ZNF804A: variants seen among roughly 807,000 people sequenced by gnomAD.
ZNF804A encodes the protein zinc finger protein 804A.
ZNF804A carries 2 observed loss-of-function variants against 16.5 expected under a neutral mutation model. That is an observed-to-expected ratio of 0.12 (90% confidence interval 0.05 to 0.38). The LOEUF is 0.38. ZNF804A is among the 10% of genes least tolerant of loss of function. The probability of loss-of-function intolerance (pLI) is 0.99; values close to 1 mark genes in which losing one functional copy is unlikely to be tolerated. For missense variants in ZNF804A, 1,473 were observed against 1,390.7 expected (o/e 1.06, Z -0.94); for synonymous variants, 534 against 489.6 (o/e 1.09, Z -1.20).
chr2:184,682,606 G>A (rs1249867132), intron 1 of ZNF804A, among the ~76,000 whole-genome samples: 1 of 152,104 alleles, frequency 6.6e-6, no homozygotes, highest in Non-Finnish European at 1.5e-5. Context: ...GGCAATTGTA[G>A]TACAGTGATT....
At chr2:184,758,153 A>G (rs145986473) in intron 1 of ZNF804A, among the ~76,000 whole-genome samples, 7 of 152,128 alleles carry the variant, frequency 4.6e-5, no homozygotes, top group African/African-American at 1.7e-4. Flanking sequence ...ATATTGCCAC[A>G]TATTTCTGTG....
At chr2:184,850,966 C>T (rs1271010990) in intron 1 of ZNF804A, among the ~76,000 whole-genome samples, 2 of 151,626 alleles carry the variant, frequency 1.3e-5, no homozygotes, top group Admixed American at 6.6e-5. Context: ...TACCACACTC[C>T]CAACCATGAG....
At chr2:184,828,015 T>TAAAAATTACATAAAAC (rs374830332) in intron 1 of ZNF804A, among the ~76,000 whole-genome samples, 5,590 of 151,872 alleles carry the variant, frequency 0.037, 338 homozygotes, top group African/African-American at 0.13. Flanking sequence ...AAGAATAATA[T>TAAAAATTACATAAAAC]AAAAATTACA....
At chr2:184,892,626 G>A (rs1685005601) in intron 2 of ZNF804A, among the ~76,000 whole-genome samples, 1 of 151,550 alleles carries the variant, frequency 6.6e-6, no homozygotes, top group African/African-American at 2.4e-5. Context: ...TGGGATTACA[G>A]GCACGCGCCA....
At chr2:184,781,352 A>G (rs1694368924) in intron 1 of ZNF804A, among the ~76,000 whole-genome samples, 1 of 151,756 alleles carries the variant, frequency 6.6e-6, no homozygotes, top group Admixed American at 6.6e-5. Context: ...AATAAGCTAT[A>G]CTTTTCCCCA....
Position 184,937,689 on chromosome 2 carries a change from T to G in ZNF804A, c.2293T>G (p.Ser765Ala). 6.2e-7 allele frequency: 1 copy of G among 1,614,050 alleles called. No individual in the cohort carries two copies. Among genetic ancestry groups the G allele is most frequent in the South Asian group, 1.1e-5 (1 of 91,078 alleles). Reference protein sequence around the residue: ...KRGYNSVMNESERFYRKRRQH... With the variant: ...KRGYNSVMNEAERFYRKRRQH... Reference sequence around the variant, plus strand: ...AGGTTACAATTCTGTCATGAATGAATCAGAAAGATTCTATCGAAAACGTAG... The same window carrying G: ...AGGTTACAATTCTGTCATGAATGAAGCAGAAAGATTCTATCGAAAACGTAG... The change falls in exon 4 of 4, where the codon TCA (serine) becomes GCA (alanine). Residue 765 changes from serine (S) to alanine (A), a missense_variant. By Grantham distance (99) the Ser-to-Ala change is moderately conservative (BLOSUM62 1). Coordinates refer to ENST00000302277, the MANE Select transcript of ZNF804A (RefSeq NM_194250.2).
At chr2:184,737,170 CCTCAGCCTCCTGAGTAG>C (rs1464154664) in intron 1 of ZNF804A, among the ~76,000 whole-genome samples, 1 of 151,768 alleles carries the variant, frequency 6.6e-6, no homozygotes, top group Non-Finnish European at 1.5e-5. Flanking sequence ...CATTCTTCTG[CCTCAGCCTCCTGAGTAG>C]CTGGGACCAC....
chr2:184,883,225 G>A (rs1173233147), intron 2 of ZNF804A, among the ~76,000 whole-genome samples: 1 of 151,968 alleles, frequency 6.6e-6, no homozygotes, highest in Non-Finnish European at 1.5e-5. Flanking sequence ...ATTGAACCAG[G>A]ACAAAATTGA....
At chr2:184,710,866 C>T (rs151025264) in intron 1 of ZNF804A, among the ~76,000 whole-genome samples, 47 of 151,894 alleles carry the variant, frequency 3.1e-4, no homozygotes, top group Non-Finnish European at 5.3e-4. Context: ...AATAGTATTT[C>T]ATTCTATGTC....
chr2:184,618,332 G>A (rs543913043), intron 1 of ZNF804A, among the ~76,000 whole-genome samples: 3 of 152,164 alleles, frequency 2.0e-5, no homozygotes, highest in African/African-American at 7.2e-5. Context: ...TTTCAGCAAA[G>A]ACATTTTCAG....
chr2:184,606,832 T>TACAC (rs10645645), intron 1 of ZNF804A, among the ~76,000 whole-genome samples: 4,111 of 149,402 alleles, frequency 0.028, 91 homozygotes, highest in African/African-American at 0.075. Flanking sequence ...TAGGTGTGTC[T>TACAC]ACACACACAC....
At chr2:184,824,625 C>A (rs1248344263) in intron 1 of ZNF804A, among the ~76,000 whole-genome samples, 2 of 152,110 alleles carry the variant, frequency 1.3e-5, no homozygotes, top group African/African-American at 4.8e-5. Context: ...AACAAACTAT[C>A]TCATATTTGG....
chr2:184,852,934 T>C (rs1455513896), intron 1 of ZNF804A, among the ~76,000 whole-genome samples: 8 of 151,816 alleles, frequency 5.3e-5, no homozygotes, highest in African/African-American at 9.7e-5. Context: ...GGACTCTTTT[T>C]TGGTTTCATA....
At chr2:184,609,631 A>G (rs941652091) in intron 1 of ZNF804A, among the ~76,000 whole-genome samples, 4 of 152,322 alleles carry the variant, frequency 2.6e-5, no homozygotes, top group Non-Finnish European at 5.9e-5. Flanking sequence ...CCTGGTTTGC[A>G]TGTGGTCTTC....
rs1170192002 is a variant in ZNF804A, at chr2:184,938,766, G to A, written c.3370G>A (p.Val1124Met). 6.8e-6 allele frequency: 11 copies of A among 1,613,360 alleles called. No homozygotes were observed. Among genetic ancestry groups the A allele is most frequent in the Non-Finnish European group, 9.3e-6 (11 of 1,179,832 alleles). Residue 1124 changes from valine (V) to methionine (M), a missense_variant, in exon 4 of 4, where the codon GTG (valine) becomes ATG (methionine). Coordinates refer to ENST00000302277, the MANE Select transcript of ZNF804A (RefSeq NM_194250.2). ...AGCCGCAGCTGCAGGAACCTTTAAAGTGCTTCAGCCACACCAACAGTTTCT... is the reference window on the plus strand; with the variant it reads ...AGCCGCAGCTGCAGGAACCTTTAAAATGCTTCAGCCACACCAACAGTTTCT... ...AAAAAAGTFK[V>M]LQPHQQFLSQ...
Position 184,936,438 on chromosome 2 carries a change from G to A in ZNF804A, c.1042G>A (p.Val348Ile). ...ESVVINEDIP[V>I]SGNSFELLGN... ...TGTTGTTATTAATGAAGACATACCT[G>A]TTAGTGGTAACAGTTTTGAGTTGTT... The change falls in exon 4 of 4, where the codon GTT (valine) becomes ATT (isoleucine). Residue 348 changes from valine to isoleucine, a missense_variant. Coordinates refer to ENST00000302277, the MANE Select transcript of ZNF804A (RefSeq NM_194250.2). 2 of 1,613,912 alleles carry A rather than the reference G, an allele frequency of 1.2e-6. No homozygotes were observed. Among genetic ancestry groups the A allele is most frequent in the African/African-American group, 1.3e-5 (1 of 75,030 alleles).
chr2:184,785,289 T>C (rs1359888393), intron 1 of ZNF804A, among the ~76,000 whole-genome samples: 1 of 152,032 alleles, frequency 6.6e-6, no homozygotes, highest in Non-Finnish European at 1.5e-5. Flanking sequence ...TTAATAGTAA[T>C]TTATTTTAAA....
chr2:184,783,649 C>A (rs1209116637), intron 1 of ZNF804A, among the ~76,000 whole-genome samples: 1 of 151,858 alleles, frequency 6.6e-6, no homozygotes, highest in Non-Finnish European at 1.5e-5. Flanking sequence ...CTTAATACAT[C>A]AGCTTCTCTG....
intron 1 of ZNF804A, among the ~76,000 whole-genome samples, chr2:184,728,758 G>GA (rs921060369): frequency 2.0e-5 from 3 of 151,356 alleles, no homozygotes; most frequent in Non-Finnish European, 3.0e-5. Flanking sequence ...GCTTGCTTAA[G>GA]AAAAAAAATA....
Sources: gnomAD v4.1 joint callset for allele counts (sites outside exome capture counted in the v4.1 genomes callset) on GRCh38, gnomAD v4.1.1 for gene constraint, MANE v1.5 for transcripts, NCBI Gene and HGNC (gene_info 2026-07-23, HGNC 2026-07-21) for gene names.